ZYG11A: variants seen among roughly 807,000 people sequenced by gnomAD.
ZYG11A encodes zyg-11 family member A, cell cycle regulator, also known as protein zyg-11 homolog A.
A neutral mutation model predicts 77.2 loss-of-function variants in ZYG11A; 62 were observed. The ratio of observed to expected loss-of-function variants is 0.80; its 90% CI spans 0.65 to 0.99. ZYG11A has a LOEUF of 0.99. Among genes scored for constraint, ZYG11A ranks in the 50% least tolerant of loss-of-function variants. The pLI is 0.00. For synonymous variants in ZYG11A, 315 were observed against 324.6 expected (o/e 0.97, Z 0.32); for missense variants, 828 against 896.8 (o/e 0.92, Z 0.98).
chr1:52,843,017 G>C, intron 1 of ZYG11A, 44 bp downstream of exon 1: 1 of 1,468,830 alleles, frequency 6.8e-7, no homozygotes, highest in Non-Finnish European at 9.1e-7. Flanking sequence ...TCGGCGCCAC[G>C]TCCAGCTCCG....
At chr1:52,860,941 C>T in intron 4 of ZYG11A, 70 bp downstream of exon 4, 1 of 1,377,892 alleles carries the variant, frequency 7.3e-7, no homozygotes, top group East Asian at 2.5e-5. Flanking sequence ...TCACGAACCA[C>T]ACTGAATATA....
intron 1 of ZYG11A, among the ~76,000 whole-genome samples, chr1:52,851,663 G>C (rs1645713689): frequency 1.3e-5 from 2 of 151,764 alleles, no homozygotes; most frequent in Admixed American, 1.3e-4. Context: ...GCCTCCCAAA[G>C]TGTTGGAATT....
Position 52,857,622 on chromosome 1 carries a change from G to C in ZYG11A, c.881G>C (p.Gly294Ala), listed in dbSNP as rs1177204326. 9.7e-6 allele frequency: 15 copies of C among 1,551,788 alleles called. No individual in the cohort carries two copies. Among genetic ancestry groups the C allele is most frequent in the Admixed American group, 7.8e-5 (4 of 50,956 alleles). ...LPNVVSLDISGGNCITDEAVE... is the reference protein window; with the variant it reads ...LPNVVSLDISAGNCITDEAVE... ...AATGTTGTGTCATTGGATATTTCTG[G>C]GGGCAATTGCATCACTGATGAAGCT... Residue 294 changes from glycine (G) to alanine (A), a missense_variant, in exon 3 of 14, where the codon GGG (glycine) becomes GCG (alanine). Physicochemically the swap from Gly to Ala is moderately conservative, Grantham distance 60. Coordinates refer to ENST00000371528, the MANE Select transcript of ZYG11A (RefSeq NM_001004339.3).
rs562811094 is a variant in ZYG11A at position 52,870,544 on chromosome 1, A to T, written c.1542+2767A>T. Among the ~76,000 whole-genome samples the T allele has an allele frequency of 1.8e-4, 28 of 152,314 alleles. No individual in the cohort carries two copies. In the South Asian group the frequency reaches 5.8e-3, roughly 32 times the overall value. ...GTGGAGGTTGTAGTGAGCCGAGATC[A>T]CGCCACTGCACCCCAGCCTGGGCAC... is the stretch of plus-strand genomic sequence containing the variant. On this transcript the variant is annotated intron_variant, in intron 8 of 13. Coordinates refer to ENST00000371528, the MANE Select transcript of ZYG11A (RefSeq NM_001004339.3).
intron 8 of ZYG11A, among the ~76,000 whole-genome samples, chr1:52,868,154 CG>C (rs1646064486): frequency 6.6e-6 from 1 of 151,340 alleles, no homozygotes; most frequent in Non-Finnish European, 1.5e-5. Flanking sequence ...TTAGTAGAGA[CG>C]GGGTTTCACC....
chr1:52,871,104 C>A (rs1431605943), intron 8 of ZYG11A, among the ~76,000 whole-genome samples: 1 of 152,036 alleles, frequency 6.6e-6, no homozygotes, highest in Non-Finnish European at 1.5e-5. Context: ...CAAAGTATTT[C>A]CCTCCATCAT....
chr1:52,866,525 CCTT>C lies in ZYG11A; in HGVS notation c.1350_1352del (p.Leu451del). Reference sequence around the variant, plus strand: ...AAGTTACAGAAGAATTGTCTTCTCTCCTTAACCAATTCCAGGATTCTTGTGGAT... The same window carrying C: ...AAGTTACAGAAGAATTGTCTTCTCTCAACCAATTCCAGGATTCTTGTGGAT... On this transcript the variant is annotated inframe_deletion, in exon 6 of 14. Coordinates refer to ENST00000371528, the MANE Select transcript of ZYG11A (RefSeq NM_001004339.3). 1 of 1,538,284 alleles carries C rather than the reference CCTT, an allele frequency of 6.5e-7. No homozygotes were observed. The highest frequency in any genetic ancestry group is 8.8e-7 in the Non-Finnish European group (1 of 1,135,360).
intron 8 of ZYG11A, among the ~76,000 whole-genome samples, chr1:52,877,181 T>C (rs1272083174): frequency 1.3e-5 from 2 of 149,760 alleles, no homozygotes; most frequent in Non-Finnish European, 2.9e-5. Flanking sequence ...GCTTATCCTC[T>C]TTTTCTTCTG....
At chr1:52,864,639 G>T (rs1397309687) in intron 5 of ZYG11A, among the ~76,000 whole-genome samples, 1 of 152,020 alleles carries the variant, frequency 6.6e-6, no homozygotes, top group Non-Finnish European at 1.5e-5. Context: ...TAGATAAGCA[G>T]TGAGGCTAAA....
chr1:52,864,829 T>A (rs2150002748), intron 5 of ZYG11A, among the ~76,000 whole-genome samples: 1 of 146,560 alleles, frequency 6.8e-6, no homozygotes, highest in South Asian at 2.2e-4. Flanking sequence ...TTTTTTTGTA[T>A]TTTTAGTAGA....
At chr1:52,867,410 A>G (rs1646046063) in intron 6 of ZYG11A, 129 bp from the exon 7 acceptor site, 2 of 659,520 alleles carry the variant, frequency 3.0e-6, no homozygotes, top group Non-Finnish European at 5.2e-6. Context: ...CTTGGTTTTC[A>G]TAGCTGAGGA....
rs1645974769 is a variant in ZYG11A, at chr1:52,863,994, G to A, written c.1163G>A (p.Gly388Glu). The change falls in exon 5 of 14, where the codon GGA (glycine) becomes GAA (glutamate). Residue 388 changes from glycine (G) to glutamate (E), a missense_variant. Transcript: ENST00000371528. ...GTTCATCTTCAGCTTGTGGCTATAG[G>A]AATGAGGAATCACCCATTGGATTTG... ...MPAILKLVAI[G>E]MRNHPLDLRV... The A allele has an allele frequency of 1.9e-6, 3 of 1,550,774 alleles. No homozygotes were observed. Among genetic ancestry groups the A allele is most frequent in the South Asian group, 2.4e-5 (2 of 83,816 alleles).
chr1:52,843,383 C>A (rs998403059), intron 1 of ZYG11A, among the ~76,000 whole-genome samples: 1 of 152,142 alleles, frequency 6.6e-6, no homozygotes, highest in Non-Finnish European at 1.5e-5. Context: ...TGAACCCAAA[C>A]GCCGCAAACC....
intron 2 of ZYG11A, among the ~76,000 whole-genome samples, chr1:52,855,143 T>C (rs1645786145): frequency 6.6e-6 from 1 of 151,952 alleles, no homozygotes; most frequent in Non-Finnish European, 1.5e-5. Flanking sequence ...ATTACAGACA[T>C]GAGCCACTGT....
chr1:52,891,690 A>G (rs979576784), intron 13 of ZYG11A, among the ~76,000 whole-genome samples: 2 of 151,724 alleles, frequency 1.3e-5, no homozygotes, highest in Non-Finnish European at 2.9e-5. Context: ...TTGTGGGTCT[A>G]CTTTTATGTA....
rs1458730507 is a variant in ZYG11A at position 52,864,009 on chromosome 1, C to T, written c.1178C>T (p.Pro393Leu). 3.9e-6 allele frequency: 6 copies of T among 1,551,250 alleles called. No individual in the cohort carries two copies. In the Admixed American group the frequency reaches 7.9e-5, roughly 20 times the overall value. Residue 393 changes from proline (P) to leucine (L), a missense_variant, in exon 5 of 14, where the codon CCA (proline) becomes CTA (leucine). By Grantham distance (98) the Pro-to-Leu change is moderately conservative (BLOSUM62 -3). Coordinates refer to ENST00000371528, the MANE Select transcript of ZYG11A (RefSeq NM_001004339.3). ...GTGGCTATAGGAATGAGGAATCACC[C>T]ATTGGATTTGCGAGTGCAGTTCACA... ...KLVAIGMRNH[P>L]LDLRVQFTAS...
intron 13 of ZYG11A, among the ~76,000 whole-genome samples, chr1:52,890,974 C>T (rs1646534100): frequency 1.3e-5 from 2 of 151,908 alleles, no homozygotes; most frequent in South Asian, 4.1e-4. Flanking sequence ...TCTCAGCTCA[C>T]TGCAACCTCT....
chr1:52,892,090 G>A (rs1192588776), intron 13 of ZYG11A, among the ~76,000 whole-genome samples: 1 of 149,626 alleles, frequency 6.7e-6, no homozygotes, highest in Non-Finnish European at 1.5e-5. Context: ...TAGTAGAGAC[G>A]GGGTTTCACC....
intron 13 of ZYG11A, among the ~76,000 whole-genome samples, chr1:52,889,935 G>C (rs967746915): frequency 6.6e-6 from 1 of 151,252 alleles, no homozygotes; most frequent in East Asian, 2.0e-4. Flanking sequence ...GGATGGTCTC[G>C]ATCTCCGGAC....
Sources: gnomAD v4.1 joint callset for allele counts (sites outside exome capture counted in the v4.1 genomes callset) on GRCh38, gnomAD v4.1.1 for gene constraint, MANE v1.5 for transcripts, NCBI Gene and HGNC (gene_info 2026-07-23, HGNC 2026-07-21) for gene names.